ADGRG6: variants seen among roughly 807,000 people sequenced by gnomAD.
ADGRG6 encodes the protein G-protein coupled receptor 126.
Under a neutral mutation model 142.4 loss-of-function variants are expected in ADGRG6, and 84 were observed. The ratio of observed to expected loss-of-function variants is 0.59; its 90% CI spans 0.49 to 0.71. The LOEUF (loss-of-function observed/expected upper bound fraction) is 0.71, where lower values mean the gene tolerates loss of function less well. Among genes scored for constraint, ADGRG6 ranks in the 30% least tolerant of loss-of-function variants. The probability of loss-of-function intolerance (pLI) is 0.00; values close to 1 mark genes in which losing one functional copy is unlikely to be tolerated. For synonymous variants in ADGRG6, 521 were observed against 520.5 expected (o/e 1.00, Z -0.01); for missense variants, 1,367 against 1,466.6 (o/e 0.93, Z 1.11).
chr6:142,317,802 A>T (rs1180166801), intron 2 of ADGRG6, among the ~76,000 whole-genome samples: 1 of 90,184 alleles, frequency 1.1e-5, no homozygotes, highest in Non-Finnish European at 2.0e-5. Context: ...TATATATATT[A>T]TATATATTTA....
Position 142,411,424 on chromosome 6 carries a change from T to C in ADGRG6, c.2541+13T>C. 3.1e-6 allele frequency: 4 copies of C among 1,308,152 alleles called. No individual in the cohort carries two copies. Among genetic ancestry groups the C allele is most frequent in the Non-Finnish European group, 4.4e-6 (4 of 900,792 alleles). 81.0% of individuals were successfully genotyped at this position (1,308,152 alleles called of 1,614,324 possible). On this transcript the variant is annotated intron_variant, in intron 18 of 24. Transcript: ENST00000367609. Reference sequence around the variant, plus strand: ...TGGAGTTCTGATGGTAAGGGGGGAATTTCTAAGCTCATTTTGACATGCTGT... The same window carrying C: ...TGGAGTTCTGATGGTAAGGGGGGAACTTCTAAGCTCATTTTGACATGCTGT...
chr6:142,417,628 C>T (rs1776433585), intron 21 of ADGRG6, among the ~76,000 whole-genome samples: 1 of 152,044 alleles, frequency 6.6e-6, no homozygotes, highest in African/African-American at 2.4e-5. Context: ...CTCAGAAGAC[C>T]CATTCTATTT....
rs890995761 is a variant in ADGRG6, at chr6:142,379,877, G to A, written c.1070-2074G>A. ...TTTTTCCGAAGTTAAGGACACACCC[G>A]TGACACAGCCTCAGGGGGTCCTGAT... On this transcript the variant is annotated intron_variant, in intron 4 of 24. Transcript: ENST00000367609. Among the ~76,000 whole-genome samples the A allele has an allele frequency of 1.1e-4, 17 of 152,308 alleles. No individual in the cohort carries two copies. In the East Asian group the frequency reaches 1.2e-3, roughly 10 times the overall value.
intron 22 of ADGRG6, among the ~76,000 whole-genome samples, chr6:142,431,096 T>G (rs1302444462): frequency 6.7e-6 from 1 of 148,544 alleles, no homozygotes. Flanking sequence ...CAATTACAGT[T>G]TTTTTTTTTT....
intron 2 of ADGRG6, among the ~76,000 whole-genome samples, chr6:142,341,644 A>T (rs188174382): frequency 1.2e-4 from 16 of 131,954 alleles, no homozygotes; most frequent in African/African-American, 3.5e-4. Context: ...TAATATATAT[A>T]ATATATACTA....
chr6:142,403,092 A>C (rs1404347202), intron 13 of ADGRG6, among the ~76,000 whole-genome samples: 2 of 151,994 alleles, frequency 1.3e-5, no homozygotes, highest in Non-Finnish European at 2.9e-5. Context: ...GAAAATTCTA[A>C]ATTTAGTTTA....
intron 3 of ADGRG6, among the ~76,000 whole-genome samples, chr6:142,368,544 G>GT (rs974109068): frequency 2.8e-4 from 42 of 147,784 alleles, no homozygotes; most frequent in Admixed American, 4.1e-4. Flanking sequence ...TAGTTATACT[G>GT]TTTTTTTTTT....
chr6:142,310,192 ATT>A (rs1478818184), intron 2 of ADGRG6, among the ~76,000 whole-genome samples: 1 of 151,710 alleles, frequency 6.6e-6, no homozygotes, highest in Non-Finnish European at 1.5e-5. Flanking sequence ...TTCTAGTTAC[ATT>A]TTTTTGAACT....
intron 2 of ADGRG6, among the ~76,000 whole-genome samples, chr6:142,342,056 G>A (rs1051411859): frequency 5.3e-5 from 8 of 151,984 alleles, no homozygotes; most frequent in South Asian, 4.1e-4. Context: ...AATGCCCATC[G>A]TTTCAGCATT....
intron 4 of ADGRG6, among the ~76,000 whole-genome samples, chr6:142,378,854 A>G (rs936712805): frequency 8.5e-5 from 13 of 152,212 alleles, no homozygotes; most frequent in African/African-American, 3.1e-4. Flanking sequence ...CACACCCTGC[A>G]TTAAACTTTC....
chr6:142,430,544 G>T (rs919234499), intron 22 of ADGRG6, among the ~76,000 whole-genome samples: 3 of 152,124 alleles, frequency 2.0e-5, no homozygotes, highest in Admixed American at 2.0e-4. Context: ...ATGGATCATA[G>T]CCTGAAACAA....
At chr6:142,358,591 T>C (rs535744157) in intron 2 of ADGRG6, among the ~76,000 whole-genome samples, 19 of 152,318 alleles carry the variant, frequency 1.2e-4, no homozygotes, top group South Asian at 4.1e-4. Context: ...GTATTGTTTA[T>C]ATAAAAAGGA....
chr6:142,320,621 C>A (rs1020195030), intron 2 of ADGRG6, among the ~76,000 whole-genome samples: 3 of 151,966 alleles, frequency 2.0e-5, no homozygotes, highest in Non-Finnish European at 4.4e-5. Context: ...AAACTGCGTG[C>A]CTGAACTTTT....
rs373945289 is a variant in ADGRG6 at position 142,318,233 on chromosome 6, T to A, written c.103+8589T>A. 2.0e-3 allele frequency among the ~76,000 whole-genome samples: 89 copies of A among 45,522 alleles called. 2 individuals are homozygous for A. The highest frequency in any genetic ancestry group is 8.7e-3 in the African/African-American group (81 of 9,282). The allele number at this position is 45,522 out of a possible 152,430, so 29.9% of individuals were successfully genotyped here. On this transcript the variant is annotated intron_variant, in intron 2 of 24. Coordinates refer to ENST00000367609, the MANE Select transcript of ADGRG6 (RefSeq NM_198569.3). ...ATTTATATATTATATATATTTATAT[T>A]ATATATATTTATATATTATATATAT...
chr6:142,427,573 A>C (rs1419302706), intron 22 of ADGRG6, among the ~76,000 whole-genome samples: 10 of 152,158 alleles, frequency 6.6e-5, no homozygotes, highest in African/African-American at 1.9e-4. Flanking sequence ...CCAGTTCCCA[A>C]GTTGCTTCCA....
At chr6:142,349,550 G>A (rs1343246497) in intron 2 of ADGRG6, among the ~76,000 whole-genome samples, 3 of 152,218 alleles carry the variant, frequency 2.0e-5, no homozygotes, top group Non-Finnish European at 4.4e-5. Flanking sequence ...AAACTCAACA[G>A]GGTACTGTCA....
intron 2 of ADGRG6, among the ~76,000 whole-genome samples, chr6:142,349,758 G>A (rs1347743562): frequency 6.6e-6 from 1 of 152,106 alleles, no homozygotes; most frequent in Non-Finnish European, 1.5e-5. Context: ...CCTTTTCTAG[G>A]AATAAATCAT....
intron 4 of ADGRG6, among the ~76,000 whole-genome samples, chr6:142,373,881 CTT>C (rs769498618): frequency 4.9e-4 from 46 of 93,846 alleles, no homozygotes; most frequent in African/African-American, 1.6e-3. Context: ...TTTTTCTTTT[CTT>C]TTTTTTTTTT....
intron 1 of ADGRG6, 160 bp downstream of exon 1, chr6:142,302,491 G>A: frequency 2.9e-6 from 2 of 689,480 alleles, no homozygotes; most frequent in Admixed American, 5.9e-5. Flanking sequence ...TGCCCCTCGA[G>A]GCACTGAGGA....
Sources: allele counts gnomAD v4.1 joint callset (sites outside exome capture counted in the v4.1 genomes callset), GRCh38; gene constraint gnomAD v4.1.1; transcripts MANE v1.5; gene names NCBI Gene and HGNC (gene_info 2026-07-23, HGNC 2026-07-21).